Variants in DPP10 observed in about 807,000 individuals in gnomAD.
DPP10 encodes dipeptidyl peptidase like 10.
In DPP10, 33 loss-of-function variants were observed where a neutral mutation model predicts 120.9. The observed-to-expected ratio is 0.27, with a 90% CI of 0.21 to 0.37. The LOEUF (loss-of-function observed/expected upper bound fraction) is 0.37, where lower values mean the gene tolerates loss of function less well. Ranked by LOEUF, DPP10 falls within the 10% of genes least tolerant of loss-of-function variation. DPP10 has a pLI of 1.00. For synonymous variants in DPP10, 337 were observed against 326.1 expected (o/e 1.03, Z -0.36); for missense variants, 816 against 942.8 (o/e 0.87, Z 1.76).
intron 9 of DPP10, among the ~76,000 whole-genome samples, chr2:115,742,479 T>C (rs995153686): frequency 6.6e-6 from 1 of 152,264 alleles, no homozygotes; most frequent in South Asian, 2.1e-4. Flanking sequence ...AAAAAACATA[T>C]GCCTCTAATA....
intron 1 of DPP10, among the ~76,000 whole-genome samples, chr2:114,876,659 C>T (rs1691187547): frequency 6.6e-6 from 1 of 152,076 alleles, no homozygotes; most frequent in Admixed American, 6.6e-5. Flanking sequence ...TCTCCAATTT[C>T]TCATCTTTGC....
At chr2:115,572,705 C>A (rs9308715) in intron 5 of DPP10, among the ~76,000 whole-genome samples, 94,737 of 151,988 alleles carry the variant, frequency 0.62, 30,254 homozygotes, top group Middle Eastern at 0.75. Context: ...GGATATTTCT[C>A]TAGGGACCTT....
intron 1 of DPP10, among the ~76,000 whole-genome samples, chr2:115,243,590 A>C (rs924097393): frequency 2.6e-5 from 4 of 152,122 alleles, no homozygotes; most frequent in African/African-American, 9.7e-5. Context: ...TGAGTAGAAA[A>C]TCTCACCATG....
intron 2 of DPP10, among the ~76,000 whole-genome samples, chr2:115,332,868 G>A (rs1559438259): frequency 6.6e-6 from 1 of 152,036 alleles, no homozygotes; most frequent in African/African-American, 2.4e-5. Flanking sequence ...TTTGGAATCG[G>A]TGTGGTGTGG....
rs1369587926 is a variant in DPP10 at position 115,742,268 on chromosome 2, T to C, written c.852+2375T>C. On this transcript the variant is annotated intron_variant, in intron 9 of 25. Coordinates refer to ENST00000410059, the MANE Select transcript of DPP10 (RefSeq NM_020868.6). The stretch of plus-strand genomic sequence containing the variant: ...ATAAAACTCCCACAGGTCAACAATT[T>C]GTATTTCCAAAAACACAGCTGGAAT... Among the ~76,000 whole-genome samples, 4 of 152,252 alleles carry C rather than the reference T, an allele frequency of 2.6e-5. No individual in the cohort carries two copies. In the East Asian group the frequency reaches 7.7e-4, roughly 29 times the overall value.
chr2:114,875,256 C>T (rs1691059613), intron 1 of DPP10, among the ~76,000 whole-genome samples: 2 of 151,990 alleles, frequency 1.3e-5, no homozygotes, highest in South Asian at 4.2e-4. Context: ...ATGGGAAGGG[C>T]ATTATAAAGT....
At chr2:114,561,161 C>T (rs752771485) in intron 1 of DPP10, among the ~76,000 whole-genome samples, 8 of 152,162 alleles carry the variant, frequency 5.3e-5, no homozygotes, top group Non-Finnish European at 1.0e-4. Context: ...CTACTCCCTC[C>T]TAAGCCCTCA....
chr2:115,782,532 T>C, intron 17 of DPP10, 133 bp downstream of exon 17: 1 of 753,800 alleles, frequency 1.3e-6, no homozygotes, highest in Non-Finnish European at 2.3e-6. Flanking sequence ...GCTGCGTGTA[T>C]ACCATCAACT....
chr2:114,648,816 A>G lies in DPP10; in HGVS notation c.60+205978A>G, dbSNP rs552639368. On this transcript the variant is annotated intron_variant, in intron 1 of 25. Transcript: ENST00000410059. ...CTGGTAATTAGAGTGGTACATACATACAAAGTGAGCTATTTTTGATGATAG... is the reference window on the plus strand; with the variant it reads ...CTGGTAATTAGAGTGGTACATACATGCAAAGTGAGCTATTTTTGATGATAG... Among the ~76,000 whole-genome samples, 5 of 152,336 alleles carry G rather than the reference A, an allele frequency of 3.3e-5. No individual in the cohort carries two copies. The East Asian group carries it at 9.6e-4, about 29-fold the overall frequency.
chr2:114,622,400 A>G (rs1438364631), intron 1 of DPP10, among the ~76,000 whole-genome samples: 1 of 139,370 alleles, frequency 7.2e-6, no homozygotes, highest in East Asian at 2.1e-4. Context: ...ATCCCCATCC[A>G]TCTATCTTTT....
At chr2:114,505,006 C>A (rs12165223) in intron 1 of DPP10, among the ~76,000 whole-genome samples, 4,489 of 138,968 alleles carry the variant, frequency 0.032, 238 homozygotes, top group African/African-American at 0.11. Flanking sequence ...GAGCCAACAT[C>A]GCGCCACTGC....
chr2:115,348,025 T>A (rs2063795313), intron 3 of DPP10, among the ~76,000 whole-genome samples: 1 of 152,052 alleles, frequency 6.6e-6, no homozygotes, highest in Non-Finnish European at 1.5e-5. Context: ...GGTAGAGGAA[T>A]CTGGTTTCTA....
intron 1 of DPP10, among the ~76,000 whole-genome samples, chr2:114,504,262 T>C (rs891281880): frequency 2.6e-5 from 4 of 152,232 alleles, no homozygotes; most frequent in Non-Finnish European, 5.9e-5. Context: ...TCTTATATGT[T>C]ACTATGAGAC....
intron 1 of DPP10, among the ~76,000 whole-genome samples, chr2:114,894,665 C>T (rs574995253): frequency 9.2e-5 from 14 of 152,048 alleles, no homozygotes; most frequent in South Asian, 4.2e-4. Context: ...AGAATGATTT[C>T]GCGGATTTTT....
At chr2:115,836,812 G>C in intron 24 of DPP10, 66 bp downstream of exon 24, 1 of 1,473,382 alleles carries the variant, frequency 6.8e-7, no homozygotes, top group South Asian at 1.3e-5. Flanking sequence ...TACATCTAAG[G>C]ACTTGCTTAC....
At chr2:115,224,054 A>T (rs572824684) in intron 1 of DPP10, among the ~76,000 whole-genome samples, 1 of 152,294 alleles carries the variant, frequency 6.6e-6, no homozygotes, top group East Asian at 1.9e-4. Flanking sequence ...AGGTTCAATG[A>T]TAAACTCAAA....
chr2:114,497,441 A>ATTT (rs1682774681), intron 1 of DPP10, among the ~76,000 whole-genome samples: 1 of 151,096 alleles, frequency 6.6e-6, no homozygotes, highest in African/African-American at 2.4e-5. Flanking sequence ...ATATGCATAT[A>ATTT]TATAGATGCA....
At chr2:114,999,689 T>C (rs1701314969) in intron 1 of DPP10, among the ~76,000 whole-genome samples, 1 of 152,148 alleles carries the variant, frequency 6.6e-6, no homozygotes, top group Non-Finnish European at 1.5e-5. Flanking sequence ...TTCTTAATAC[T>C]AAACACAGGT....
chr2:115,791,041 A>C, intron 17 of DPP10, 40 bp from the exon 18 acceptor site: 2 of 1,451,872 alleles, frequency 1.4e-6, no homozygotes, highest in South Asian at 1.2e-5. Flanking sequence ...TGTTTAATGC[A>C]TAGGGGTTAG....
Sources: allele counts gnomAD v4.1 joint callset (sites outside exome capture counted in the v4.1 genomes callset), GRCh38; gene constraint gnomAD v4.1.1; transcripts MANE v1.5; gene names NCBI Gene and HGNC (gene_info 2026-07-23, HGNC 2026-07-21).